FGL1: variants seen among roughly 807,000 people sequenced by gnomAD.
FGL1 encodes the protein fibrinogen like 1.
Under a neutral mutation model 43.7 loss-of-function variants are expected in FGL1, and 59 were observed. That is an observed-to-expected ratio of 1.35 (90% CI 1.10 to 1.68). FGL1 has a LOEUF of 1.68. Among genes scored for constraint, FGL1 ranks in the 40% most tolerant of loss-of-function variants. The pLI is 0.00. For synonymous variants in FGL1, 192 were observed against 126.5 expected (o/e 1.52, Z -3.48); for missense variants, 596 against 373.0 (o/e 1.60, Z -4.92).
At chr8:17,878,537 C>G (rs1433741986) in intron 3 of FGL1, among the ~76,000 whole-genome samples, 1 of 152,012 alleles carries the variant, frequency 6.6e-6, no homozygotes, top group Non-Finnish European at 1.5e-5. Context: ...GGTGGTGACG[C>G]CAGATTTTTG....
chr8:17,882,739 A>T (rs2053556333), intron 2 of FGL1: 8 of 123,002 alleles, frequency 6.5e-5, no homozygotes, highest in African/African-American at 2.7e-4. Flanking sequence ...GCATATAAAT[A>T]ATATATAATA....
chr8:17,872,058 T>G (rs1039883021), intron 5 of FGL1, among the ~76,000 whole-genome samples: 9 of 152,124 alleles, frequency 5.9e-5, no homozygotes, highest in African/African-American at 2.2e-4. Context: ...ATAAAACACT[T>G]AAAACTAGAA....
At chr8:17,883,234 AT>A in intron 2 of FGL1, among the ~76,000 whole-genome samples, 1 of 55,718 alleles carries the variant, frequency 1.8e-5, no homozygotes, top group African/African-American at 6.1e-5. Context: ...TATATAATAT[AT>A]TAAATAATAT....
rs2053615638 is a variant in FGL1, at chr8:17,885,589, A to AT, written c.-17-19dup. ...TGAAAAAACTGCAAGAACAAAAAGAATTTTATAAATGTATCAACCTTGAAT... is the reference window on the plus strand; with the variant it reads ...TGAAAAAACTGCAAGAACAAAAAGAATTTTTATAAATGTATCAACCTTGAAT... On this transcript the variant is annotated intron_variant, in intron 1 of 7. Coordinates refer to ENST00000427924, the MANE Select transcript of FGL1 (RefSeq NM_004467.4). The AT allele has an allele frequency of 1.2e-6, 2 of 1,607,108 alleles. No individual in the cohort carries two copies. The highest frequency in any genetic ancestry group is 2.7e-5 in the African/African-American group (2 of 74,582).
intron 2 of FGL1, 57 bp from the exon 3 acceptor site, chr8:17,882,236 C>G: frequency 6.9e-7 from 1 of 1,455,842 alleles, no homozygotes; most frequent in Non-Finnish European, 9.3e-7. Context: ...AAAACAAGTG[C>G]TTTTTAAACA....
At chr8:17,875,533 T>TTCTTTCTTTCTTTCTCTCTCTC (rs1208572003) in intron 3 of FGL1, among the ~76,000 whole-genome samples, 1 of 11,846 alleles carries the variant, frequency 8.4e-5, no homozygotes, top group African/African-American at 2.3e-4. Flanking sequence ...CTTTCTTTCT[T>TTCTTTCTTTCTTTCTCTCTCTC]TCTCTTTCTT....
At chr8:17,871,267 C>G (rs1016349058) in intron 5 of FGL1, among the ~76,000 whole-genome samples, 1 of 152,044 alleles carries the variant, frequency 6.6e-6, no homozygotes, top group African/African-American at 2.4e-5. Flanking sequence ...CTAAGGCACG[C>G]AGATGACTTG....
Position 17,864,546 on chromosome 8 carries a change from CTT to C in FGL1, c.*44_*45del. 2 of 1,568,856 alleles carry C rather than the reference CTT, an allele frequency of 1.3e-6. No homozygotes were observed. Among genetic ancestry groups the C allele is most frequent in the Non-Finnish European group, 1.7e-6 (2 of 1,159,990 alleles). On this transcript the variant is annotated 3_prime_UTR_variant, in exon 8 of 8. Transcript: ENST00000427924. The stretch of plus-strand genomic sequence containing the variant: ...TTCAGAATGAGTATTTTTCAAATCA[CTT>C]TAAACAAAGCTGAATTGCAGAAACG...
At chr8:17,876,156 C>T (rs1404178301) in intron 3 of FGL1, among the ~76,000 whole-genome samples, 1 of 152,276 alleles carries the variant, frequency 6.6e-6, no homozygotes, top group African/African-American at 2.4e-5. Flanking sequence ...TTACCCTTAT[C>T]GCTTTGTTAA....
At chr8:17,891,498 T>G in intron 1 of FGL1, 1 of 160,100 alleles carries the variant, frequency 6.2e-6, no homozygotes, top group Non-Finnish European at 1.3e-5. Context: ...TGGATTAGGG[T>G]CTGCCCTAAT....
intron 7 of FGL1, among the ~76,000 whole-genome samples, chr8:17,867,815 C>T (rs938818664): frequency 1.3e-5 from 2 of 152,176 alleles, no homozygotes; most frequent in African/African-American, 2.4e-5. Context: ...CGGTGGCTCA[C>T]GCCCAACACT....
rs141519671 is a variant in FGL1 at position 17,874,567 on chromosome 8, C to G, written c.245-46G>C. 1.3e-4 allele frequency: 200 copies of G among 1,520,406 alleles called. 1 individual carries two copies. In the African/African-American group the frequency reaches 2.3e-3, roughly 17 times the overall value. 94.2% of individuals were successfully genotyped at this position (1,520,406 alleles called of 1,614,324 possible). On this transcript the variant is annotated intron_variant, in intron 3 of 7. Coordinates refer to ENST00000427924, the MANE Select transcript of FGL1 (RefSeq NM_004467.4). ...TGTAACATTCATTATGTGTCTTTTT[C>G]TCCCCCCGCCTTAGGGAGCCTCTGA...
chr8:17,872,060 A>G (rs1647118628), intron 5 of FGL1, among the ~76,000 whole-genome samples: 1 of 152,156 alleles, frequency 6.6e-6, no homozygotes, highest in Admixed American at 6.6e-5. Flanking sequence ...AAAACACTTA[A>G]AACTAGAATA....
At chr8:17,889,807 G>C (rs1271288751) in intron 1 of FGL1, among the ~76,000 whole-genome samples, 5 of 152,122 alleles carry the variant, frequency 3.3e-5, no homozygotes, top group Non-Finnish European at 5.9e-5. Flanking sequence ...TTCTGACTTA[G>C]AAAAATGGCA....
intron 5 of FGL1, among the ~76,000 whole-genome samples, chr8:17,872,368 T>C (rs1245434837): frequency 6.7e-6 from 1 of 150,142 alleles, no homozygotes; most frequent in Non-Finnish European, 1.5e-5. Context: ...ATTGGCGCAA[T>C]CTTGGCTCAC....
chr8:17,883,155 A>G (rs2053571296), intron 2 of FGL1, among the ~76,000 whole-genome samples: 1 of 93,034 alleles, frequency 1.1e-5, no homozygotes, highest in Non-Finnish European at 1.8e-5. Context: ...TATATATCAT[A>G]TATAATATAT....
At chr8:17,890,643 C>T (rs529339725) in intron 1 of FGL1, among the ~76,000 whole-genome samples, 5 of 152,208 alleles carry the variant, frequency 3.3e-5, no homozygotes, top group African/African-American at 9.6e-5. Context: ...TAAATTTACC[C>T]AGTAAAGATC....
chr8:17,890,033 T>A (rs2053682874), intron 1 of FGL1, among the ~76,000 whole-genome samples: 1 of 152,220 alleles, frequency 6.6e-6, no homozygotes, highest in Non-Finnish European at 1.5e-5. Context: ...ATTTAAAATA[T>A]GTTTACAAAA....
intron 5 of FGL1, 79 bp downstream of exon 5, chr8:17,873,940 G>T: frequency 1.1e-6 from 1 of 910,992 alleles, no homozygotes; most frequent in Non-Finnish European, 1.6e-6. Flanking sequence ...TAGTTCCATT[G>T]CCTATAATTT....
Sources: allele counts gnomAD v4.1 joint callset (sites outside exome capture counted in the v4.1 genomes callset), GRCh38; gene constraint gnomAD v4.1.1; transcripts MANE v1.5; gene names NCBI Gene and HGNC (gene_info 2026-07-23, HGNC 2026-07-21).